STRBP: variants seen among roughly 807,000 people sequenced by gnomAD.
The protein encoded by STRBP is spermatid perinuclear RNA-binding protein.
Under a neutral mutation model 80.1 loss-of-function variants are expected in STRBP, and 13 were observed. The ratio of observed to expected loss-of-function variants is 0.16; its 90% CI spans 0.11 to 0.26. The LOEUF is 0.26. Ranked by LOEUF, STRBP falls within the 10% of genes least tolerant of loss-of-function variation. The pLI is 1.00. For synonymous variants in STRBP, 284 were observed against 291.2 expected, an observed-to-expected ratio of 0.98 and a Z score of 0.25; for missense variants, 485 against 815.2, an observed-to-expected ratio of 0.59 and a Z score of 4.93.
intron 2 of STRBP, among the ~76,000 whole-genome samples, chr9:123,234,016 C>T (rs528409476): frequency 0.012 from 1,802 of 151,760 alleles, 38 homozygotes; most frequent in African/African-American, 0.042. Flanking sequence ...CTGGCTAATA[C>T]GGTGAAATCC....
chr9:123,243,557 AC>A (rs1464263908), intron 1 of STRBP, among the ~76,000 whole-genome samples: 1 of 152,136 alleles, frequency 6.6e-6, no homozygotes, highest in Non-Finnish European at 1.5e-5. Context: ...ATAATTACAA[AC>A]CACATACCCA....
chr9:123,139,727 G>A (rs746789752), intron 13 of STRBP, 40 bp from the exon 14 acceptor site: 8 of 1,583,754 alleles, frequency 5.1e-6, no homozygotes, highest in East Asian at 4.5e-5. Flanking sequence ...ATTCAGACAC[G>A]AGAAACCAGA....
At chr9:123,172,921 T>C (rs532539763) in intron 5 of STRBP, among the ~76,000 whole-genome samples, 5 of 152,302 alleles carry the variant, frequency 3.3e-5, no homozygotes, top group East Asian at 3.9e-4. Context: ...TTCTGTGGCA[T>C]TGATATGAAG....
chr9:123,153,315 C>G (rs545530208), intron 11 of STRBP, among the ~76,000 whole-genome samples: 11 of 151,882 alleles, frequency 7.2e-5, no homozygotes, highest in Non-Finnish European at 1.6e-4. Context: ...CTCAGCCTCC[C>G]GAGTAGCTGG....
At chr9:123,119,893 C>T (rs927503537), downstream of STRBP, among the ~76,000 whole-genome samples, 3 of 152,204 alleles carry the variant, frequency 2.0e-5, no homozygotes, top group Admixed American at 2.0e-4. Context: ...TGCTGTAAAG[C>T]TTACATAACC....
At chr9:123,235,584 C>CAA (rs71390421) in intron 2 of STRBP, among the ~76,000 whole-genome samples, 816 of 36,510 alleles carry the variant, frequency 0.022, 110 homozygotes, top group Non-Finnish European at 0.037. Context: ...ACAAGTTCAG[C>CAA]AAAAAAAAAA....
rs1438014343 is a variant in STRBP, at chr9:123,123,660, G to T, written c.*1937C>A. On this transcript the variant is annotated 3_prime_UTR_variant, in exon 19 of 19. Transcript: ENST00000348403. ...TGAAGCAGAGTCAGCTACTTCAAAA[G>T]AATTTTCTAACGAGAAATATCTAGA... 1 of 985,116 alleles carries T rather than the reference G, an allele frequency of 1.0e-6. No individual in the cohort carries two copies. The highest frequency in any genetic ancestry group is 1.7e-5 in the African/African-American group (1 of 57,168). The allele number at this position is 985,116 out of a possible 1,614,324, so 61.0% of individuals were successfully genotyped here.
chr9:123,239,019 C>T (rs1030850161), intron 1 of STRBP, among the ~76,000 whole-genome samples: 9 of 152,092 alleles, frequency 5.9e-5, no homozygotes, highest in African/African-American at 1.4e-4. Flanking sequence ...TTAGCAGTGG[C>T]AGTAACATTT....
At chr9:123,187,640 C>T (rs1390380220) in intron 2 of STRBP, among the ~76,000 whole-genome samples, 1 of 152,118 alleles carries the variant, frequency 6.6e-6, no homozygotes, top group Non-Finnish European at 1.5e-5. Flanking sequence ...ATGTGTGTCA[C>T]TTTTTAATTG....
intron 1 of STRBP, among the ~76,000 whole-genome samples, chr9:123,241,001 G>T (rs2040682326): frequency 6.6e-6 from 1 of 152,062 alleles, no homozygotes; most frequent in African/African-American, 2.4e-5. Flanking sequence ...CCAACATGGA[G>T]AAACTCGATC....
At chr9:123,148,961 T>C (rs1286135450) in intron 11 of STRBP, among the ~76,000 whole-genome samples, 2 of 152,188 alleles carry the variant, frequency 1.3e-5, no homozygotes, top group African/African-American at 2.4e-5. Context: ...CAATTTATAA[T>C]GTTGTCAAGC....
intron 1 of STRBP, among the ~76,000 whole-genome samples, chr9:123,263,830 A>G (rs538429357): frequency 1.3e-5 from 2 of 152,338 alleles, no homozygotes; most frequent in Non-Finnish European, 2.9e-5. Context: ...TCAGTCAGTA[A>G]TCAATTTTCT....
chr9:123,180,570 AG>A lies in STRBP; in HGVS notation c.4-1344del, dbSNP rs559381096. Among the ~76,000 whole-genome samples, 79 of 152,354 alleles carry A rather than the reference AG, an allele frequency of 5.2e-4. 1 individual carries two copies. Among genetic ancestry groups the A allele is most frequent in the Non-Finnish European group, 8.8e-4 (60 of 68,036 alleles). The stretch of plus-strand genomic sequence containing the variant: ...GCTCATTTGGGGAAAAACATAAATA[AG>A]GGTATCAAGAAATACTCTACAAAGA... On this transcript the variant is annotated intron_variant, in intron 3 of 18. Coordinates refer to ENST00000348403, the MANE Select transcript of STRBP (RefSeq NM_018387.5).
intron 6 of STRBP, among the ~76,000 whole-genome samples, chr9:123,167,375 T>C (rs1374052675): frequency 6.6e-6 from 1 of 152,126 alleles, no homozygotes; most frequent in Non-Finnish European, 1.5e-5. Flanking sequence ...GAATGAATCT[T>C]GTGCTTTTAT....
intron 2 of STRBP, among the ~76,000 whole-genome samples, chr9:123,224,766 G>A (rs1378903862): frequency 6.6e-6 from 1 of 152,202 alleles, no homozygotes; most frequent in Non-Finnish European, 1.5e-5. Flanking sequence ...ACTGCTGGTA[G>A]TAGTGGAAAG....
intron 1 of STRBP, among the ~76,000 whole-genome samples, chr9:123,248,012 G>A (rs572713130): frequency 8.7e-4 from 133 of 152,184 alleles, no homozygotes; most frequent in African/African-American, 3.1e-3. Context: ...GAACAACTAA[G>A]CACAAGGTAT....
chr9:123,198,462 T>C (rs1293899859), intron 2 of STRBP, among the ~76,000 whole-genome samples: 1 of 152,116 alleles, frequency 6.6e-6, no homozygotes, highest in Non-Finnish European at 1.5e-5. Flanking sequence ...TAATGGGATT[T>C]TTTTTTTCTT....
intron 2 of STRBP, among the ~76,000 whole-genome samples, chr9:123,231,165 T>C (rs1382325561): frequency 6.6e-6 from 1 of 152,124 alleles, no homozygotes; most frequent in Non-Finnish European, 1.5e-5. Flanking sequence ...TTTTTTTAAC[T>C]CTACAGAGAT....
At chr9:123,254,353 C>T (rs924138176) in intron 1 of STRBP, among the ~76,000 whole-genome samples, 2 of 149,200 alleles carry the variant, frequency 1.3e-5, no homozygotes, top group African/African-American at 2.5e-5. Flanking sequence ...CCCAGCTCCT[C>T]GGGAGGCTGA....
Sources: gnomAD v4.1 joint callset for allele counts (sites outside exome capture counted in the v4.1 genomes callset) on GRCh38, gnomAD v4.1.1 for gene constraint, MANE v1.5 for transcripts, NCBI Gene and HGNC (gene_info 2026-07-23, HGNC 2026-07-21) for gene names.